PCCA: variants seen among roughly 807,000 people sequenced by gnomAD.
PCCA encodes the protein propionyl-CoA carboxylase subunit alpha.
In PCCA, 74 loss-of-function variants were observed where a neutral mutation model predicts 101.3. The ratio of observed to expected loss-of-function variants is 0.73; its 90% CI spans 0.61 to 0.89. PCCA has a LOEUF of 0.89. Ranked by LOEUF, PCCA falls within the 40% of genes least tolerant of loss-of-function variation. The pLI, the probability that PCCA is intolerant of heterozygous loss-of-function variation, is 0.00. For synonymous variants in PCCA, 294 were observed against 313.6 expected (o/e 0.94, Z 0.66); for missense variants, 891 against 907.0 (o/e 0.98, Z 0.23).
intron 19 of PCCA, among the ~76,000 whole-genome samples, chr13:100,377,980 C>A (rs1179408262): frequency 1.3e-5 from 2 of 152,070 alleles, no homozygotes; most frequent in Non-Finnish European, 2.9e-5. Context: ...ACATTAGAGT[C>A]TTTTCTGTTC....
At chr13:100,112,576 C>CTTTTTT (rs5806149) in intron 4 of PCCA, among the ~76,000 whole-genome samples, 1 of 124,046 alleles carries the variant, frequency 8.1e-6, no homozygotes, top group Non-Finnish European at 1.6e-5. Context: ...CACAGCAGGC[C>CTTTTTT]TTTTTTTTTT....
chr13:100,443,752 A>G (rs2080555975), intron 20 of PCCA, among the ~76,000 whole-genome samples: 1 of 151,914 alleles, frequency 6.6e-6, no homozygotes, highest in Non-Finnish European at 1.5e-5. Flanking sequence ...TAGATTCCTC[A>G]TCTGTAGAGC....
chr13:100,431,546 C>T (rs1254930665), intron 20 of PCCA, among the ~76,000 whole-genome samples: 1 of 152,296 alleles, frequency 6.6e-6, no homozygotes, highest in East Asian at 1.9e-4. Context: ...TTGTGCTTTT[C>T]AAAGTTAACT....
chr13:100,458,294 TACACACACACACACACACAC>T (rs57961819), intron 21 of PCCA, among the ~76,000 whole-genome samples: 191 of 86,514 alleles, frequency 2.2e-3, no homozygotes, highest in African/African-American at 8.3e-3. Flanking sequence ...ACCCCATCTC[TACACACACACACACACACAC>T]ACACACACAC....
intron 20 of PCCA, among the ~76,000 whole-genome samples, chr13:100,431,861 A>G (rs1047126246): frequency 1.3e-5 from 2 of 151,286 alleles, no homozygotes; most frequent in African/African-American, 2.4e-5. Flanking sequence ...GTGAGACTCC[A>G]TCTCAAAAAA....
intron 6 of PCCA, chr13:100,160,852 T>C (rs1357009970): frequency 6.6e-6 from 1 of 152,204 alleles, no homozygotes; most frequent in African/African-American, 2.4e-5. Context: ...CTTTCTGGTT[T>C]TTCTATGTTG....
intron 18 of PCCA, among the ~76,000 whole-genome samples, chr13:100,348,880 CTTTT>C (rs2072852246): frequency 1.4e-5 from 1 of 70,438 alleles, no homozygotes; most frequent in African/African-American, 5.0e-5. Context: ...TCCTTTCTTT[CTTTT>C]CTTTCTTTCC....
chr13:100,126,081 G>C (rs1360672001), intron 4 of PCCA, among the ~76,000 whole-genome samples: 1 of 152,168 alleles, frequency 6.6e-6, no homozygotes. Flanking sequence ...ATGTTAAATG[G>C]CTCCCATGCT....
At chr13:100,501,560 C>T (rs1337218080) in intron 21 of PCCA, among the ~76,000 whole-genome samples, 1 of 152,182 alleles carries the variant, frequency 6.6e-6, no homozygotes, top group Non-Finnish European at 1.5e-5. Flanking sequence ...GCTTCAGCGT[C>T]TCCTGGGAAC....
chr13:100,256,695 A>G (rs888527721), intron 8 of PCCA, among the ~76,000 whole-genome samples: 2 of 152,168 alleles, frequency 1.3e-5, no homozygotes, highest in Admixed American at 6.5e-5. Context: ...GAGTGCCAGT[A>G]GAGCATTACA....
At chr13:100,372,824 C>G (rs2075653441) in intron 19 of PCCA, among the ~76,000 whole-genome samples, 1 of 152,202 alleles carries the variant, frequency 6.6e-6, no homozygotes, top group African/African-American at 2.4e-5. Context: ...ACTGTAGCCT[C>G]TGCCTCCCAG....
At chr13:100,239,881 C>T (rs1336129160) in intron 8 of PCCA, among the ~76,000 whole-genome samples, 1 of 152,054 alleles carries the variant, frequency 6.6e-6, no homozygotes. Flanking sequence ...ACCTACTTCT[C>T]CCAGAATTTC....
intron 4 of PCCA, among the ~76,000 whole-genome samples, chr13:100,143,758 T>G (rs2052200496): frequency 6.6e-6 from 1 of 151,900 alleles, no homozygotes; most frequent in Non-Finnish European, 1.5e-5. Flanking sequence ...TTGTTGTTGT[T>G]GTTTGTTTGG....
chr13:100,480,473 A>G (rs2083805708), intron 21 of PCCA: 1 of 152,190 alleles, frequency 6.6e-6, no homozygotes, highest in Non-Finnish European at 1.5e-5. Context: ...TGACAGTGGT[A>G]TAGGGGCTGT....
At chr13:100,254,025 C>T (rs960424416) in intron 8 of PCCA, among the ~76,000 whole-genome samples, 6 of 152,108 alleles carry the variant, frequency 3.9e-5, no homozygotes, top group African/African-American at 1.4e-4. Flanking sequence ...AATGGGCTCA[C>T]AGTTACACAT....
intron 7 of PCCA, among the ~76,000 whole-genome samples, chr13:100,223,432 A>G (rs1332795120): frequency 6.6e-6 from 1 of 151,724 alleles, no homozygotes. Flanking sequence ...TGAGCATTAC[A>G]GCTCTTAAGG....
chr13:100,151,823 A>G (rs2053363772), intron 4 of PCCA, among the ~76,000 whole-genome samples: 1 of 152,174 alleles, frequency 6.6e-6, no homozygotes, highest in Non-Finnish European at 1.5e-5. Context: ...TAAACTTTCC[A>G]TGGTTGTTAT....
chr13:100,324,273 C>T (rs1441968632), intron 16 of PCCA, among the ~76,000 whole-genome samples: 1 of 152,156 alleles, frequency 6.6e-6, no homozygotes, highest in Non-Finnish European at 1.5e-5. Flanking sequence ...TTCACAAAAC[C>T]TTCCTGCATC....
At chr13:100,498,711 A>C (rs957015640) in intron 21 of PCCA, among the ~76,000 whole-genome samples, 1 of 151,668 alleles carries the variant, frequency 6.6e-6, no homozygotes, top group Admixed American at 6.6e-5. Context: ...GACTTCTTCC[A>C]CTCAGTATAA....
Sources: allele counts gnomAD v4.1 joint callset (sites outside exome capture counted in the v4.1 genomes callset), GRCh38; gene constraint gnomAD v4.1.1; transcripts MANE v1.5; gene names NCBI Gene and HGNC (gene_info 2026-07-23, HGNC 2026-07-21).